Variants in LRRTM3 observed in about 807,000 individuals in gnomAD.
LRRTM3 encodes leucine rich repeat transmembrane neuronal 3, also known as leucine-rich repeat transmembrane neuronal protein 3.
In LRRTM3, 24 loss-of-function variants were observed where a neutral mutation model predicts 44.7. That is an observed-to-expected ratio of 0.54 (90% CI 0.39 to 0.76). The LOEUF (loss-of-function observed/expected upper bound fraction) is 0.76. Among genes scored for constraint, LRRTM3 ranks in the 30% least tolerant of loss-of-function variants. The pLI, the probability that LRRTM3 is intolerant of heterozygous loss-of-function variation, is 0.00. For synonymous variants in LRRTM3, 277 were observed against 278.7 expected, an observed-to-expected ratio of 0.99 and a Z score of 0.06; for missense variants, 587 against 702.2, an observed-to-expected ratio of 0.84 and a Z score of 1.85.
intron 2 of LRRTM3, among the ~76,000 whole-genome samples, chr10:67,053,968 A>G (rs1855273154): frequency 6.6e-6 from 1 of 152,078 alleles, no homozygotes. Flanking sequence ...TGTCATCCAT[A>G]TATCTTAGGA....
intron 2 of LRRTM3, among the ~76,000 whole-genome samples, chr10:66,929,437 G>A (rs1847249399): frequency 6.6e-6 from 1 of 152,156 alleles, no homozygotes; most frequent in Non-Finnish European, 1.5e-5. Flanking sequence ...GTTCTGTTCA[G>A]AATTTGTCAG....
At position 67,101,060 on chromosome 10, in the gene LRRTM3, C is replaced by T. The variant is rs1811017884; in HGVS notation, c.*3264C>T. Among the ~76,000 whole-genome samples, 1 of 151,738 alleles carries T rather than the reference C, an allele frequency of 6.6e-6. No individual in the cohort carries two copies. Among genetic ancestry groups the T allele is most frequent in the Non-Finnish European group, 1.5e-5 (1 of 67,772 alleles). On this transcript the variant is annotated 3_prime_UTR_variant, in exon 3 of 3. Coordinates refer to ENST00000361320, the MANE Select transcript of LRRTM3 (RefSeq NM_178011.5). ...CTAACTGAATTATTTCTGTGTTCTA[C>T]TCTGGGCTCTCACATTAAAACTCTG...
In LRRTM3 at chr10:67,098,087, T is replaced by C. The variant is rs949359316; in HGVS notation, c.*291T>C. The C allele has an allele frequency of 5.2e-6, 2 of 381,954 alleles. No individual in the cohort carries two copies. Among genetic ancestry groups the C allele is most frequent in the Non-Finnish European group, 4.8e-6 (1 of 206,310 alleles). 23.7% of individuals were successfully genotyped at this position (381,954 alleles called of 1,614,324 possible). On this transcript the variant is annotated 3_prime_UTR_variant, in exon 3 of 3. Transcript: ENST00000361320. ...ACTCATCCTACCTACCTGTAAAAACTGTACAAAGCTAATGTATTTTTCATA... is the reference window on the plus strand; with the variant it reads ...ACTCATCCTACCTACCTGTAAAAACCGTACAAAGCTAATGTATTTTTCATA...
At chr10:66,958,459 G>A (rs201290076) in intron 2 of LRRTM3, among the ~76,000 whole-genome samples, 521 of 18,154 alleles carry the variant, frequency 0.029, 4 homozygotes, top group Middle Eastern at 0.071. Context: ...AAAATAAAAA[G>A]CTTTTTTTTT....
chr10:67,084,350 C>G (rs1245015899), intron 2 of LRRTM3, among the ~76,000 whole-genome samples: 1 of 152,054 alleles, frequency 6.6e-6, no homozygotes, highest in Non-Finnish European at 1.5e-5. Context: ...GCAACAGTCA[C>G]TAACCATGAC....
intron 2 of LRRTM3, among the ~76,000 whole-genome samples, chr10:67,020,983 T>C (rs537988975): frequency 3.3e-5 from 5 of 152,188 alleles, no homozygotes; most frequent in Non-Finnish European, 7.4e-5. Context: ...ACCTTGACTA[T>C]GGAAAGTCTG....
chr10:67,042,059 A>G (rs1490073553), intron 2 of LRRTM3, among the ~76,000 whole-genome samples: 1 of 152,202 alleles, frequency 6.6e-6, no homozygotes, highest in Non-Finnish European at 1.5e-5. Flanking sequence ...GAGAGACAAA[A>G]AAAGGCCTAT....
In LRRTM3 at chr10:67,061,567, T is replaced by C. The variant is rs76650672; in HGVS notation, c.1537-36020T>C. 5.9e-3 allele frequency among the ~76,000 whole-genome samples: 894 copies of C among 152,236 alleles called. 6 individuals carry two copies. The highest frequency in any genetic ancestry group is 0.02 in the African/African-American group (843 of 41,548). The stretch of plus-strand genomic sequence containing the variant: ...CTTAACAGGCATATCAAAAAATGAA[T>C]ATAAGGGCCAATAGGAAGGCTACCT... On this transcript the variant is annotated intron_variant, in intron 2 of 2. Transcript: ENST00000361320.
chr10:66,929,411 T>C (rs1246492050), intron 2 of LRRTM3, among the ~76,000 whole-genome samples: 2 of 152,132 alleles, frequency 1.3e-5, no homozygotes, highest in Non-Finnish European at 2.9e-5. Flanking sequence ...GTTAGTAGAA[T>C]CCTTAGCTCT....
In LRRTM3 at chr10:67,000,471, C is replaced by T. The variant is rs74141757; in HGVS notation, c.1536+72019C>T. On this transcript the variant is annotated intron_variant, in intron 2 of 2. Coordinates refer to ENST00000361320, the MANE Select transcript of LRRTM3 (RefSeq NM_178011.5). Reference sequence around the variant, plus strand: ...CTAGTTAGTTCTATGAGAGACAACACCTACTTACACAAGGTCTTCCACTTA... The same window carrying T: ...CTAGTTAGTTCTATGAGAGACAACATCTACTTACACAAGGTCTTCCACTTA... Among the ~76,000 whole-genome samples the T allele has an allele frequency of 4.1e-3, 628 of 152,236 alleles. 3 individuals are homozygous for T. Among genetic ancestry groups the T allele is most frequent in the Middle Eastern group, 0.02 (6 of 294 alleles).
rs987394049 is a variant in LRRTM3, at chr10:67,101,414, A to AT, written c.*3626dup. On this transcript the variant is annotated 3_prime_UTR_variant, in exon 3 of 3. Transcript: ENST00000361320. ...GCAAGATTTCTTCTTAAACCATGAA[A>AT]TTTTTTTTACTTGTAATAATAGAGA... Among the ~76,000 whole-genome samples the AT allele has an allele frequency of 1.3e-5, 2 of 150,460 alleles. No individual in the cohort carries two copies. Among genetic ancestry groups the AT allele is most frequent in the African/African-American group, 4.9e-5 (2 of 40,742 alleles).
intron 2 of LRRTM3, among the ~76,000 whole-genome samples, chr10:67,021,490 A>T (rs1030057062): frequency 6.6e-6 from 1 of 152,266 alleles, no homozygotes; most frequent in African/African-American, 2.4e-5. Flanking sequence ...TATTTGTGAC[A>T]GTAAAAACAT....
rs1017382193 is a variant in LRRTM3, at chr10:67,098,345, T to A, written c.*549T>A. 12 of 152,642 alleles carry A rather than the reference T, an allele frequency of 7.9e-5. No individual in the cohort carries two copies. The highest frequency in any genetic ancestry group is 2.7e-4 in the African/African-American group (11 of 41,426). The allele number at this position is 152,642 out of a possible 1,614,324, so 9.5% of individuals were successfully genotyped here. On this transcript the variant is annotated 3_prime_UTR_variant, in exon 3 of 3. Transcript: ENST00000361320. The stretch of plus-strand genomic sequence containing the variant: ...TGCGAAACATGCACGATTTTTATTA[T>A]GCTTACTGCGTAGAATTTTATCTAC...
intron 2 of LRRTM3, among the ~76,000 whole-genome samples, chr10:66,967,599 C>CTATG (rs1009826321): frequency 6.6e-6 from 1 of 151,908 alleles, no homozygotes; most frequent in African/African-American, 2.4e-5. Context: ...TGAGGCGGGA[C>CTATG]TATGTAAAAC....
chr10:67,060,667 T>A (rs1855705905), intron 2 of LRRTM3, among the ~76,000 whole-genome samples: 1 of 143,344 alleles, frequency 7.0e-6, no homozygotes, highest in Admixed American at 6.9e-5. Flanking sequence ...TGGGTTCCTG[T>A]CTCTCTCTCT....
intron 2 of LRRTM3, among the ~76,000 whole-genome samples, chr10:66,944,570 AC>A (rs1848185140): frequency 6.6e-6 from 1 of 152,178 alleles, no homozygotes; most frequent in Admixed American, 6.5e-5. Context: ...GGTGACTCTT[AC>A]CTTAAAGGTT....
intron 2 of LRRTM3, among the ~76,000 whole-genome samples, chr10:67,064,081 A>G (rs138600733): frequency 1.2e-3 from 184 of 152,268 alleles, no homozygotes; most frequent in African/African-American, 4.3e-3. Flanking sequence ...TTAATAGTGC[A>G]CTTATTTCTA....
chr10:66,999,005 A>G (rs1851528211), intron 2 of LRRTM3, among the ~76,000 whole-genome samples: 1 of 152,162 alleles, frequency 6.6e-6, no homozygotes, highest in Admixed American at 6.6e-5. Context: ...CTGTGCATAT[A>G]AGACAATTAA....
chr10:66,990,496 T>A (rs778838547), intron 2 of LRRTM3, among the ~76,000 whole-genome samples: 5 of 152,138 alleles, frequency 3.3e-5, no homozygotes, highest in Non-Finnish European at 2.9e-5. Flanking sequence ...CCTATTTAGA[T>A]TTTTTTGTAC....
Sources: allele counts gnomAD v4.1 joint callset (sites outside exome capture counted in the v4.1 genomes callset), GRCh38; gene constraint gnomAD v4.1.1; transcripts MANE v1.5; gene names NCBI Gene and HGNC (gene_info 2026-07-23, HGNC 2026-07-21).